Variants in MIA2 observed in about 807,000 individuals in gnomAD.
The protein encoded by MIA2 is melanoma inhibitory activity protein 2.
In MIA2, 127 loss-of-function variants were observed where a neutral mutation model predicts 167.8. That is an observed-to-expected ratio of 0.76 (90% CI 0.66 to 0.88). MIA2 has a LOEUF of 0.88. Ranked by LOEUF, MIA2 falls within the 40% of genes least tolerant of loss-of-function variation. The probability of loss-of-function intolerance (pLI) is 0.00; values close to 1 mark genes in which losing one functional copy is unlikely to be tolerated. For missense variants in MIA2, 1,690 were observed against 1,624.7 expected (o/e 1.04, Z -0.69); for synonymous variants, 552 against 541.9 (o/e 1.02, Z -0.26).
chr14:39,324,692 T>G (rs1350336482), intron 24 of MIA2, among the ~76,000 whole-genome samples: 1 of 151,880 alleles, frequency 6.6e-6, no homozygotes, highest in Non-Finnish European at 1.5e-5. Flanking sequence ...CTGCAACCCC[T>G]TCCTCTCAGG....
chr14:39,319,424 C>T (rs1052921212), intron 23 of MIA2, 133 bp downstream of exon 23: 12 of 400,470 alleles, frequency 3.0e-5, no homozygotes, highest in Non-Finnish European at 5.0e-5. Flanking sequence ...AACCAAGGTT[C>T]TAGACTAAGC....
chr14:39,303,436 T>C (rs1009165085), intron 15 of MIA2, 42 bp from the exon 16 acceptor site: 2 of 1,490,796 alleles, frequency 1.3e-6, no homozygotes, highest in Non-Finnish European at 9.3e-7. Flanking sequence ...CGTATTGTAC[T>C]ATTTTCCCAA....
At chr14:39,262,712 C>T (rs1173376091) in intron 6 of MIA2, among the ~76,000 whole-genome samples, 1 of 152,126 alleles carries the variant, frequency 6.6e-6, no homozygotes, top group Middle Eastern at 3.2e-3. Flanking sequence ...TTGTAGTTCT[C>T]CTTGAAGAGG....
intron 25 of MIA2, among the ~76,000 whole-genome samples, chr14:39,327,910 A>C (rs1209761130): frequency 6.6e-6 from 1 of 152,200 alleles, no homozygotes; most frequent in Non-Finnish European, 1.5e-5. Context: ...TACTATCATG[A>C]ACAGTGCCGC....
Position 39,299,932 on chromosome 14 carries a change from A to G in MIA2, c.2565A>G (p.Glu855=), listed in dbSNP as rs1315398429. 4 of 1,610,490 alleles carry G rather than the reference A, an allele frequency of 2.5e-6. No homozygotes were observed. The highest frequency in any genetic ancestry group is 3.4e-5 in the Admixed American group (2 of 59,378). The change falls in exon 14 of 29, where the codon GAA becomes GAG. Residue 855 remains glutamate (E), a synonymous_variant. Transcript: ENST00000640607. ...SELNKQKVTF[E]DSKVHAEQVL... is the part of the protein sequence containing the mutation. ...TTAATAAACAGAAAGTAACATTTGA[A>G]GACTCCAAAGTACATGCAGAACAAG...
In MIA2 at chr14:39,293,473, T is replaced by C. The variant is rs563260826; in HGVS notation, c.2319+92T>C. On this transcript the variant is annotated intron_variant, in intron 11 of 28. Transcript: ENST00000640607. The stretch of plus-strand genomic sequence containing the variant: ...GATACTGGTTAAAGTATTACATTAT[T>C]GTAAAAAATGTAAAGAATACAGGTG... 2.3e-5 allele frequency: 20 copies of C among 885,322 alleles called. 1 individual carries two copies. In the South Asian group the frequency reaches 3.7e-4, roughly 16 times the overall value. The allele number at this position is 885,322 out of a possible 1,614,324, so 54.8% of individuals were successfully genotyped here. A position where few individuals can be genotyped will look rare whatever the true frequency, so the allele number is the denominator to read the frequency against.
At chr14:39,311,015 T>C in intron 18 of MIA2, among the ~76,000 whole-genome samples, 1 of 152,138 alleles carries the variant, frequency 6.6e-6, no homozygotes, top group Non-Finnish European at 1.5e-5. Context: ...TATTTTTGAG[T>C]GTATCTTTTG....
chr14:39,326,711 G>A (rs901817895), intron 24 of MIA2, among the ~76,000 whole-genome samples, 153 bp from the exon 25 acceptor site: 16 of 150,500 alleles, frequency 1.1e-4, no homozygotes, highest in African/African-American at 3.7e-4. Flanking sequence ...TGTTACATCA[G>A]GCATAGGAAT....
intron 23 of MIA2, among the ~76,000 whole-genome samples, chr14:39,377,444 G>GA (rs898971895): frequency 2.6e-5 from 4 of 151,916 alleles, no homozygotes; most frequent in Non-Finnish European, 5.9e-5. Flanking sequence ...AGGAAAAATG[G>GA]AAAAAAAGAA....
At chr14:39,349,848 CTT>C (rs1369311933) in intron 28 of MIA2, among the ~76,000 whole-genome samples, 1 of 151,906 alleles carries the variant, frequency 6.6e-6, no homozygotes, top group Non-Finnish European at 1.5e-5. Context: ...AATAATTCCT[CTT>C]TTTTAAAAAA....
chr14:39,332,937 C>G (rs2069279431), intron 25 of MIA2, among the ~76,000 whole-genome samples: 1 of 151,984 alleles, frequency 6.6e-6, no homozygotes, highest in Non-Finnish European at 1.5e-5. Context: ...CTTGTCATCT[C>G]CATTCTGTTA....
intron 15 of MIA2, among the ~76,000 whole-genome samples, 166 bp from the exon 16 acceptor site, chr14:39,303,312 C>T (rs1233766455): frequency 1.3e-5 from 2 of 152,036 alleles, no homozygotes; most frequent in African/African-American, 2.4e-5. Flanking sequence ...GTTTAGCTTC[C>T]TGGGAGCAGG....
At chr14:39,234,742 A>C (rs1403096298) in intron 1 of MIA2, among the ~76,000 whole-genome samples, 1 of 152,176 alleles carries the variant, frequency 6.6e-6, no homozygotes, top group Non-Finnish European at 1.5e-5. Flanking sequence ...ACTAAATGTT[A>C]ATCATTTCTG....
At position 39,308,349 on chromosome 14, in the gene MIA2, A is replaced by T. The variant is rs894700963; in HGVS notation, c.2879-100A>T. 1.2e-5 allele frequency: 9 copies of T among 727,194 alleles called. No homozygotes were observed. In the African/African-American group the frequency reaches 1.7e-4, roughly 14 times the overall value. 45.0% of individuals were successfully genotyped at this position (727,194 alleles called of 1,614,324 possible). On this transcript the variant is annotated intron_variant, in intron 17 of 28. Transcript: ENST00000640607. ...TCTGTTATTGGAAAGAGTTTAGTTT[A>T]TTAATAATTTATTATTTTTAGTAAT...
At chr14:39,293,828 G>A (rs1004332118) in intron 11 of MIA2, among the ~76,000 whole-genome samples, 172 bp from the exon 12 acceptor site, 6 of 152,196 alleles carry the variant, frequency 3.9e-5, no homozygotes, top group East Asian at 1.9e-4. Flanking sequence ...CTATTGTTAC[G>A]TAATGTTCAT....
At chr14:39,252,386 A>G (rs2054619504) in intron 4 of MIA2, among the ~76,000 whole-genome samples, 1 of 152,192 alleles carries the variant, frequency 6.6e-6, no homozygotes, top group African/African-American at 2.4e-5. Flanking sequence ...GGATGGGGCC[A>G]TGAGTCAAGG....
intron 3 of MIA2, among the ~76,000 whole-genome samples, chr14:39,242,385 T>C (rs2054085483): frequency 6.6e-6 from 1 of 150,810 alleles, no homozygotes; most frequent in African/African-American, 2.4e-5. Flanking sequence ...TGCAATGGCA[T>C]GATCTCTGCT....
intron 9 of MIA2, among the ~76,000 whole-genome samples, chr14:39,280,056 GT>G (rs2058698412): frequency 6.6e-6 from 1 of 152,052 alleles, no homozygotes; most frequent in Non-Finnish European, 1.5e-5. Context: ...GTGTGTGTGT[GT>G]GTGTGTGAAG....
At chr14:39,298,084 A>G (rs533868549) in intron 13 of MIA2, among the ~76,000 whole-genome samples, 2 of 151,704 alleles carry the variant, frequency 1.3e-5, no homozygotes, top group Admixed American at 1.3e-4. Flanking sequence ...TGCCATTTTA[A>G]TAGATTTGAG....
Sources: allele counts gnomAD v4.1 joint callset (sites outside exome capture counted in the v4.1 genomes callset), GRCh38; gene constraint gnomAD v4.1.1; transcripts MANE v1.5; gene names NCBI Gene and HGNC (gene_info 2026-07-23, HGNC 2026-07-21).